The following ADAMTS6 variants were observed in gnomAD, a reference collection of about 807,000 sequenced individuals.
ADAMTS6 encodes the protein ADAM metallopeptidase with thrombospondin type 1 motif 6, also known as A disintegrin and metalloproteinase with thrombospondin motifs 6.
Under a neutral mutation model 144.3 loss-of-function variants are expected in ADAMTS6, and 23 were observed. That is an observed-to-expected ratio of 0.16 (90% CI 0.11 to 0.23). The LOEUF is 0.23. Ranked by LOEUF, ADAMTS6 falls within the 10% of genes least tolerant of loss-of-function variation. The pLI is 1.00. For missense variants in ADAMTS6, 999 were observed against 1,379.6 expected (o/e 0.72, Z 4.37); for synonymous variants, 444 against 457.5 (o/e 0.97, Z 0.38).
intron 7 of ADAMTS6, among the ~76,000 whole-genome samples, chr5:65,416,984 A>T (rs1755586772): frequency 6.6e-6 from 1 of 152,066 alleles, no homozygotes; most frequent in Non-Finnish European, 1.5e-5. Flanking sequence ...CCTCAACAAA[A>T]TACTAGAAAA....
Position 65,224,809 on chromosome 5 carries a change from G to T in ADAMTS6, c.2191+115C>A, listed in dbSNP as rs896762571. 3.1e-6 allele frequency: 4 copies of T among 1,275,378 alleles called. No homozygotes were observed. In the African/African-American group the frequency reaches 4.5e-5, roughly 14 times the overall value. 79.0% of individuals were successfully genotyped at this position (1,275,378 alleles called of 1,614,324 possible). On this transcript the variant is annotated intron_variant, in intron 17 of 24. Coordinates refer to ENST00000381055, the MANE Select transcript of ADAMTS6 (RefSeq NM_197941.4). Reference sequence around the variant, plus strand: ...AAATGACTGAAAGCAATTTGGGGAAGAAAACATTGTCTGCCTAAATAAAGA... The same window carrying T: ...AAATGACTGAAAGCAATTTGGGGAATAAAACATTGTCTGCCTAAATAAAGA...
chr5:65,292,567 TGTCAAA>T (rs1271363997), intron 10 of ADAMTS6, among the ~76,000 whole-genome samples: 1 of 152,080 alleles, frequency 6.6e-6, no homozygotes, highest in African/African-American at 2.4e-5. Context: ...ATTCTTAACA[TGTCAAA>T]GTCAATGTGT....
intron 22 of ADAMTS6, among the ~76,000 whole-genome samples, chr5:65,177,589 G>T (rs1654426284): frequency 6.6e-6 from 1 of 152,188 alleles, no homozygotes; most frequent in African/African-American, 2.4e-5. Flanking sequence ...CCAACATTCT[G>T]TGGACCACTA....
intron 21 of ADAMTS6, among the ~76,000 whole-genome samples, chr5:65,195,868 T>C (rs1357658247): frequency 6.6e-6 from 1 of 152,258 alleles, no homozygotes; most frequent in Non-Finnish European, 1.5e-5. Context: ...CACACATGTT[T>C]TCTCTTGCAG....
intron 20 of ADAMTS6, chr5:65,210,226 G>A (rs1452685070): frequency 1.4e-4 from 23 of 168,178 alleles, no homozygotes; most frequent in African/African-American, 5.0e-4. Context: ...GCCGAGACGG[G>A]CGGATCACGA....
rs371044151 is a variant in ADAMTS6, at chr5:65,215,458, T to C, written c.2302A>G (p.Ile768Val). 45 of 1,610,206 alleles carry C rather than the reference T, an allele frequency of 2.8e-5. No homozygotes were observed. In the African/African-American group the frequency reaches 5.3e-4, roughly 19 times the overall value. Residue 768 changes from isoleucine to valine, a missense_variant, in exon 19 of 25, where the codon ATT (isoleucine) becomes GTT (valine). By Grantham distance (29) the Ile-to-Val change is conservative (BLOSUM62 3). This residue lies in a region of ADAMTS6 where 619 missense variants were observed against 837.0 expected (regional missense o/e 0.74). Transcript: ENST00000381055. Reference sequence around the variant, plus strand: ...CAGTCAATAGTCCAGGCACCATTAATATAGTAATCATCTCCTTCAGATTTT... The same window carrying C: ...CAGTCAATAGTCCAGGCACCATTAACATAGTAATCATCTCCTTCAGATTTT... ...ALKSEGDDYY[I>V]NGAWTIDWPR...
chr5:65,326,017 C>CT (rs1028097144), intron 9 of ADAMTS6, among the ~76,000 whole-genome samples: 1 of 152,070 alleles, frequency 6.6e-6, no homozygotes, highest in Admixed American at 6.6e-5. Context: ...TTTTCTCTTT[C>CT]TTTTTTTCCT....
intron 7 of ADAMTS6, among the ~76,000 whole-genome samples, chr5:65,335,512 G>A (rs1181252422): frequency 1.3e-5 from 2 of 152,044 alleles, no homozygotes; most frequent in Non-Finnish European, 2.9e-5. Context: ...AAAACGTAAA[G>A]GAAGACTTTT....
chr5:65,157,155 G>A (rs1175416955), intron 24 of ADAMTS6, among the ~76,000 whole-genome samples: 1 of 152,194 alleles, frequency 6.6e-6, no homozygotes, highest in Non-Finnish European at 1.5e-5. Context: ...TGCTGGAGTG[G>A]TTCTCATTGG....
intron 7 of ADAMTS6, among the ~76,000 whole-genome samples, chr5:65,438,418 CT>C (rs1757615815): frequency 6.6e-6 from 1 of 152,108 alleles, no homozygotes; most frequent in Admixed American, 6.5e-5. Flanking sequence ...ATCCCAGCTA[CT>C]TGGGAGGCTG....
intron 7 of ADAMTS6, among the ~76,000 whole-genome samples, chr5:65,384,674 A>G (rs1443761234): frequency 6.6e-6 from 1 of 152,114 alleles, no homozygotes; most frequent in Non-Finnish European, 1.5e-5. Flanking sequence ...ACTTGCCAGA[A>G]TTGTCCTTAA....
intron 7 of ADAMTS6, among the ~76,000 whole-genome samples, chr5:65,370,687 G>A (rs372842656): frequency 6.6e-5 from 10 of 152,190 alleles, no homozygotes; most frequent in African/African-American, 2.2e-4. Flanking sequence ...AAAGGGCAGC[G>A]AGGCTGGGGG....
intron 7 of ADAMTS6, among the ~76,000 whole-genome samples, chr5:65,340,303 A>G (rs939192270): frequency 1.3e-5 from 2 of 152,066 alleles, no homozygotes; most frequent in Non-Finnish European, 2.9e-5. Flanking sequence ...TTAAAAAAAT[A>G]TATTATTTCA....
At chr5:65,474,840 T>C (rs1198051601) in intron 1 of ADAMTS6, among the ~76,000 whole-genome samples, 3 of 151,528 alleles carry the variant, frequency 2.0e-5, no homozygotes, top group African/African-American at 7.3e-5. Context: ...AAATGTAGTT[T>C]TAGAACCCCA....
intron 7 of ADAMTS6, among the ~76,000 whole-genome samples, chr5:65,382,964 T>C (rs551720975): frequency 9.8e-5 from 15 of 152,336 alleles, no homozygotes; most frequent in Non-Finnish European, 1.9e-4. Context: ...ACTTCCTAAA[T>C]GGCAATTGTT....
chr5:65,470,626 G>A (rs1760357469), intron 3 of ADAMTS6, 152 bp downstream of exon 3: 2 of 464,864 alleles, frequency 4.3e-6, no homozygotes, highest in Non-Finnish European at 6.6e-6. Flanking sequence ...CAAAATCAAA[G>A]GCAGCAGAAA....
At chr5:65,167,521 T>C (rs1753261621) in intron 24 of ADAMTS6, among the ~76,000 whole-genome samples, 1 of 150,218 alleles carries the variant, frequency 6.7e-6, no homozygotes. Flanking sequence ...GAATCCTCCC[T>C]AACTCATTTT....
chr5:65,279,606 T>G (rs1314745924), intron 11 of ADAMTS6, among the ~76,000 whole-genome samples: 3 of 152,196 alleles, frequency 2.0e-5, no homozygotes, highest in Non-Finnish European at 4.4e-5. Flanking sequence ...CATGAGCCAC[T>G]CTGCCTGGGC....
In ADAMTS6 at chr5:65,224,987, C is replaced by T. The variant is rs868517591; in HGVS notation, c.2128G>A (p.Gly710Arg). 1 of 1,614,118 alleles carries T rather than the reference C, an allele frequency of 6.2e-7. No individual in the cohort carries two copies. Among genetic ancestry groups the T allele is most frequent in the African/African-American group, 1.3e-5 (1 of 75,016 alleles). ...GCATCACATGTGCTTCCGTCCCCTC[C>T]ACAGACTCGACATCTATCTTCCCTA... ...DAREDRCRVCGGDGSTCDAIE... is the reference protein window; with the variant it reads ...DAREDRCRVCRGDGSTCDAIE... The change falls in exon 17 of 25, where the codon GGA becomes AGA. Residue 710 changes from glycine to arginine, a missense_variant. Transcript: ENST00000381055.
Sources: allele counts gnomAD v4.1 joint callset (sites outside exome capture counted in the v4.1 genomes callset), GRCh38; gene constraint gnomAD v4.1.1; regional missense constraint gnomAD v4.1.1; transcripts MANE v1.5; gene names NCBI Gene and HGNC (gene_info 2026-07-23, HGNC 2026-07-21).